The following TENM1 variants were observed in gnomAD, a reference collection of about 807,000 sequenced individuals.
TENM1 encodes the protein teneurin-1.
In TENM1, 35 loss-of-function variants were observed where a neutral mutation model predicts 174.8. The ratio of observed to expected loss-of-function variants is 0.20; its 90% CI spans 0.15 to 0.27. TENM1 has a LOEUF of 0.27. TENM1 is among the 10% of genes least tolerant of loss of function. TENM1 has a pLI of 1.00. For synonymous variants in TENM1, 781 were observed against 798.7 expected (o/e 0.98, Z 0.37); for missense variants, 1,633 against 2,130.1 (o/e 0.77, Z 4.59).
Position 124,471,421 on chromosome X carries a change from ATAT to A in TENM1, c.3949+10308_3949+10310del, listed in dbSNP as rs1340561762. On this transcript the variant is annotated intron_variant, in intron 22 of 31. Transcript: ENST00000422452. The stretch of plus-strand genomic sequence containing the variant: ...AATATATATTATAATATATAGTAAT[ATAT>A]TATATATTATATAATATATAGTACT... Among the ~76,000 whole-genome samples the A allele has an allele frequency of 1.1e-4, 6 of 55,219 alleles. 1 individual carries two copies. Among genetic ancestry groups the A allele is most frequent in the Non-Finnish European group, 1.8e-4 (6 of 33,847 alleles). 48.0% of individuals were successfully genotyped at this position (55,219 alleles called of 115,157 possible).
At chrX:125,152,744 C>T in the TENM1 span, among the ~76,000 whole-genome samples, 43 of 112,062 alleles carry the variant, frequency 3.8e-4, no homozygotes, top group African/African-American at 1.2e-3. Flanking sequence ...ATATGGCAAG[C>T]CTAATTCAAA....
intron 11 of TENM1, among the ~76,000 whole-genome samples, chrX:124,567,894 A>G (rs2858438): frequency 0.3 from 33,430 of 111,028 alleles, 4,131 homozygotes; most frequent in African/African-American, 0.48. Context: ...GTTAAAGCTA[A>G]TCAAGTCAGC....
Position 124,671,200 on chromosome X carries a change from A to G in TENM1, c.1168+483T>C, listed in dbSNP as rs1340549532. Among the ~76,000 whole-genome samples, 3 of 110,754 alleles carry G rather than the reference A, an allele frequency of 2.7e-5. No homozygotes were observed. In the East Asian group the frequency reaches 8.5e-4, roughly 31 times the overall value. ...TTTTTCTTTCTCCCAACTAGGAAGA[A>G]TTCATGTTCCCAAACTAGAAAAAAA... On this transcript the variant is annotated intron_variant, in intron 6 of 31. Coordinates refer to ENST00000422452, the Ensembl canonical transcript of TENM1.
intron 3 of TENM1, among the ~76,000 whole-genome samples, chrX:124,882,157 A>G (rs767528776): frequency 8.9e-6 from 1 of 112,524 alleles, no homozygotes; most frequent in Non-Finnish European, 1.9e-5. Flanking sequence ...ATATATTTGT[A>G]CAATTTCCAA....
chrX:124,914,037 C>T (rs2057880703), intron 1 of TENM1, among the ~76,000 whole-genome samples: 1 of 111,585 alleles, frequency 9.0e-6, no homozygotes, highest in Non-Finnish European at 1.9e-5. Context: ...AAATACTTGA[C>T]CATGGTCACC....
chrX:124,873,546 C>T (rs1228264594), intron 3 of TENM1, among the ~76,000 whole-genome samples: 1 of 111,382 alleles, frequency 9.0e-6, no homozygotes, highest in Non-Finnish European at 1.9e-5. Context: ...GGGTAGATAT[C>T]GTCTTATGAA....
At chrX:125,157,526 T>C in the TENM1 span, among the ~76,000 whole-genome samples, 1 of 112,161 alleles carries the variant, frequency 8.9e-6, no homozygotes, top group Non-Finnish European at 1.9e-5. Context: ...CACTATACAC[T>C]ATGCATGTGT....
At chrX:125,148,158 G>C in the TENM1 span, among the ~76,000 whole-genome samples, 1 of 110,892 alleles carries the variant, frequency 9.0e-6, no homozygotes, top group Non-Finnish European at 1.9e-5. Flanking sequence ...TGCTGTATCA[G>C]TTATATTCCC....
rs185028438 is a variant in TENM1 at position 124,772,755 on chromosome X, T to C, written c.536-35558A>G. 1.2e-3 allele frequency among the ~76,000 whole-genome samples: 132 copies of C among 111,548 alleles called. 1 individual carries two copies. Among genetic ancestry groups the C allele is most frequent in the East Asian group, 2.0e-3 (7 of 3,537 alleles). ...GAAAGGGCTGATATGTCATACTTTG[T>C]CAATTATGCCAAAAAATGAACCTTT... On this transcript the variant is annotated intron_variant, in intron 3 of 31. Coordinates refer to ENST00000422452, the Ensembl canonical transcript of TENM1.
intron 3 of TENM1, among the ~76,000 whole-genome samples, chrX:124,777,726 A>G: frequency 8.9e-6 from 1 of 112,536 alleles, no homozygotes. Flanking sequence ...ATTAACATTT[A>G]AAGTGTGGAA....
chrX:124,757,484 C>T (rs986440266), intron 3 of TENM1, among the ~76,000 whole-genome samples: 2 of 112,600 alleles, frequency 1.8e-5, no homozygotes, highest in Non-Finnish European at 3.8e-5. Flanking sequence ...GGCTCGCACA[C>T]GGTGCACTGC....
chrX:124,755,881 T>C (rs1289047928), intron 3 of TENM1, among the ~76,000 whole-genome samples: 1 of 106,734 alleles, frequency 9.4e-6, no homozygotes, highest in Non-Finnish European at 1.9e-5. Context: ...TGGGCTTCCC[T>C]TTGTGGGTAA....
intron 11 of TENM1, among the ~76,000 whole-genome samples, chrX:124,612,917 T>C (rs996659404): frequency 8.9e-6 from 1 of 111,791 alleles, no homozygotes; most frequent in African/African-American, 3.3e-5. Flanking sequence ...CATATAAGTA[T>C]GCTGCTGATC....
chrX:125,140,943 C>T, the TENM1 span, among the ~76,000 whole-genome samples: 1 of 111,655 alleles, frequency 9.0e-6, no homozygotes, highest in Admixed American at 9.6e-5. Context: ...GGGCTCCCTC[C>T]TTCCCTTCTT....
chrX:124,691,714 CTA>C (rs1175826125), intron 5 of TENM1, among the ~76,000 whole-genome samples: 1 of 111,536 alleles, frequency 9.0e-6, no homozygotes, highest in Non-Finnish European at 1.9e-5. Context: ...ATTTTTAACA[CTA>C]TTTTATTTAT....
At chrX:124,804,244 A>T (rs1353879425) in intron 3 of TENM1, among the ~76,000 whole-genome samples, 1 of 112,000 alleles carries the variant, frequency 8.9e-6, no homozygotes, top group Admixed American at 9.5e-5. Context: ...ATTCTCAAAA[A>T]AATGCATAAC....
chrX:124,921,305 T>C (rs762037692), intron 1 of TENM1, among the ~76,000 whole-genome samples: 16 of 111,145 alleles, frequency 1.4e-4, no homozygotes, highest in Middle Eastern at 9.2e-3. Context: ...AGGCAACTGA[T>C]ACTCATTGTA....
the TENM1 span, among the ~76,000 whole-genome samples, chrX:125,173,391 TC>T: frequency 9.0e-6 from 1 of 111,725 alleles, no homozygotes; most frequent in African/African-American, 3.2e-5. Context: ...ACTTTTGTTC[TC>T]CTCTTTTGGG....
chrX:125,050,962 C>T, the TENM1 span, among the ~76,000 whole-genome samples: 1 of 111,693 alleles, frequency 9.0e-6, no homozygotes, highest in Non-Finnish European at 1.9e-5. Context: ...TCGTCTCAGC[C>T]CAAAATCTCC....
Sources: gnomAD v4.1 joint callset for allele counts (sites outside exome capture counted in the v4.1 genomes callset) on GRCh38, gnomAD v4.1.1 for gene constraint, MANE v1.5 for transcripts, NCBI Gene and HGNC (gene_info 2026-07-23, HGNC 2026-07-21) for gene names.